Variants in ARPC1B observed in about 807,000 individuals in gnomAD.
The protein encoded by ARPC1B is actin-related protein 2/3 complex subunit 1B.
ARPC1B carries 29 observed loss-of-function variants against 46.0 expected under a neutral mutation model. The observed-to-expected ratio is 0.63, with a 90% CI of 0.47 to 0.86. The LOEUF (loss-of-function observed/expected upper bound fraction) is 0.86, where lower values mean the gene tolerates loss of function less well. ARPC1B is among the 40% of genes least tolerant of loss of function. The pLI is 0.00. For missense variants in ARPC1B, 469 were observed against 529.4 expected, an observed-to-expected ratio of 0.89 and a Z score of 1.12; for synonymous variants, 201 against 213.9, an observed-to-expected ratio of 0.94 and a Z score of 0.53.
chr7:99,380,842 G>A lies in ARPC1B; in HGVS notation c.-13-4860G>A, dbSNP rs543646522. ...GGTTCCTTCAGTCTGGGCCTCCTGG[G>A]GCTGAAAGGGAGGGAAAAATTGGCC... On this transcript the variant is annotated intron_variant, in intron 1 of 9. Coordinates refer to ENST00000646101, the MANE Select transcript of ARPC1B (RefSeq NM_005720.4). Among the ~76,000 whole-genome samples the A allele has an allele frequency of 4.6e-5, 7 of 152,302 alleles. No homozygotes were observed. The South Asian group carries it at 1.2e-3, about 27-fold the overall frequency.
chr7:99,392,621 G>C, intron 7 of ARPC1B, 50 bp from the exon 8 acceptor site: 1 of 1,420,774 alleles, frequency 7.0e-7, no homozygotes, highest in Non-Finnish European at 9.2e-7. Flanking sequence ...CTTCCCTCCG[G>C]CCTCGGTTTC....
intron 1 of ARPC1B, among the ~76,000 whole-genome samples, chr7:99,376,933 A>C (rs1297488769): frequency 6.6e-6 from 1 of 151,970 alleles, no homozygotes; most frequent in Non-Finnish European, 1.5e-5. Context: ...AGAATGGTGA[A>C]AGGTCTGGGT....
chr7:99,384,411 A>AC (rs34345754), intron 1 of ARPC1B, among the ~76,000 whole-genome samples: 12 of 149,470 alleles, frequency 8.0e-5, no homozygotes, highest in Non-Finnish European at 1.2e-4. Flanking sequence ...GCATTGTGAG[A>AC]CCCCCCTCTC....
At position 99,386,703 on chromosome 7, in the gene ARPC1B, A is replaced by G. The variant is rs1367826517; in HGVS notation, c.83A>G (p.Asn28Ser). Residue 28 changes from asparagine (N) to serine (S), a missense_variant, in exon 3 of 10, where the codon AAC becomes AGC. By Grantham distance (46) the Asn-to-Ser change is conservative. Transcript: ENST00000646101. ...CCTTCAGAGATTGCCATCTGCCCCA[A>G]CAACCATGAGGTGCATATCTATGAA... ...KDRTQIAICP[N>S]NHEVHIYEKS... 6.2e-7 allele frequency: 1 copy of G among 1,613,988 alleles called. No homozygotes were observed. The highest frequency in any genetic ancestry group is 1.3e-5 in the African/African-American group (1 of 74,922).
chr7:99,394,507 G>C lies in ARPC1B; in HGVS notation c.*18G>C. 6.2e-7 allele frequency: 1 copy of C among 1,614,062 alleles called. No homozygotes were observed. Among genetic ancestry groups the C allele is most frequent in the Non-Finnish European group, 8.5e-7 (1 of 1,180,012 alleles). ...TCAAATGACCTGTGAGGAATATGTT[G>C]CCTTCATCCTAGCTGCTGGGGAAGC... is the stretch of plus-strand genomic sequence containing the variant. On this transcript the variant is annotated 3_prime_UTR_variant, in exon 10 of 10. Transcript: ENST00000646101.
intron 1 of ARPC1B, among the ~76,000 whole-genome samples, chr7:99,382,168 T>C (rs1254770931): frequency 6.6e-6 from 1 of 152,054 alleles, no homozygotes; most frequent in African/African-American, 2.4e-5. Flanking sequence ...CCAGGCGCGG[T>C]GGCTCATGCC....
chr7:99,386,684 G>C lies in ARPC1B; in HGVS notation c.65-1G>C. 1 of 1,613,102 alleles carries C rather than the reference G, an allele frequency of 6.2e-7. No homozygotes were observed. The highest frequency in any genetic ancestry group is 8.5e-7 in the Non-Finnish European group (1 of 1,179,078). On this transcript the variant is annotated splice_acceptor_variant, in intron 2 of 9. Transcript: ENST00000646101. LOFTEE classifies it high-confidence loss of function. ...TCAATCTCCCTCCATCTCCCCTTCA[G>C]AGATTGCCATCTGCCCCAACAACCA...
intron 8 of ARPC1B, among the ~76,000 whole-genome samples, 172 bp from the exon 9 acceptor site, chr7:99,393,857 C>T (rs1794667649): frequency 6.6e-6 from 1 of 152,194 alleles, no homozygotes; most frequent in African/African-American, 2.4e-5. Context: ...TTGCCTGCAC[C>T]TCGCATGCCA....
At chr7:99,392,064 A>G (rs1218834151) in intron 7 of ARPC1B, 3 of 152,144 alleles carry the variant, frequency 2.0e-5, no homozygotes, top group Admixed American at 6.6e-5. Context: ...TCTTGCTCAC[A>G]TTTTATGTCC....
At position 99,392,891 on chromosome 7, in the gene ARPC1B, C is replaced by T. The variant is rs1794616353; in HGVS notation, c.989+15C>T. 2 of 1,524,426 alleles carry T rather than the reference C, an allele frequency of 1.3e-6. No individual in the cohort carries two copies. The highest frequency in any genetic ancestry group is 2.5e-5 in the East Asian group (1 of 40,210). The allele number at this position is 1,524,426 out of a possible 1,614,324, so 94.4% of individuals were successfully genotyped here. On this transcript the variant is annotated intron_variant, in intron 8 of 9. Transcript: ENST00000646101. Reference sequence around the variant, plus strand: ...AACAGCGTCAGGTGAGAGCGGGAGCCGGGCCGGCGGGTGGGCGGGGCCTCG... The same window carrying T: ...AACAGCGTCAGGTGAGAGCGGGAGCTGGGCCGGCGGGTGGGCGGGGCCTCG...
chr7:99,376,061 CAAAA>C (rs1055447800), intron 1 of ARPC1B, among the ~76,000 whole-genome samples: 1 of 96,220 alleles, frequency 1.0e-5, no homozygotes, highest in Non-Finnish European at 2.4e-5. Flanking sequence ...GACTCCGTCT[CAAAA>C]AAAAAAAAAA....
At chr7:99,390,067 T>C (rs758349739) in intron 5 of ARPC1B, 55 bp downstream of exon 5, 11 of 1,506,750 alleles carry the variant, frequency 7.3e-6, no homozygotes, top group South Asian at 1.1e-5. Context: ...ACTGCTGACA[T>C]CATAGCGGGG....
intron 1 of ARPC1B, among the ~76,000 whole-genome samples, chr7:99,379,904 G>A (rs1439747081): frequency 6.6e-6 from 1 of 151,464 alleles, no homozygotes; most frequent in African/African-American, 2.4e-5. Flanking sequence ...CTCGGCCTCC[G>A]AAAGTGCTGG....
intron 8 of ARPC1B, 104 bp from the exon 9 acceptor site, chr7:99,393,925 T>G: frequency 1.7e-6 from 2 of 1,184,530 alleles, no homozygotes; most frequent in Non-Finnish European, 2.5e-6. Context: ...TACTTCTCAC[T>G]AAAGCCCGCT....
intron 2 of ARPC1B, 43 bp from the exon 3 acceptor site, chr7:99,386,642 G>C: frequency 6.8e-7 from 1 of 1,460,676 alleles, no homozygotes; most frequent in Non-Finnish European, 9.6e-7. Context: ...GCAGAGGGCA[G>C]TCATGGAGAG....
chr7:99,386,455 G>T, intron 2 of ARPC1B: 2 of 623,172 alleles, frequency 3.2e-6, no homozygotes, highest in South Asian at 1.5e-5. Context: ...GAGCAATAGG[G>T]TGGGGAGAGG....
chr7:99,390,537 C>A (rs1045089892), intron 5 of ARPC1B, among the ~76,000 whole-genome samples: 7 of 150,282 alleles, frequency 4.7e-5, no homozygotes, highest in African/African-American at 7.4e-5. Flanking sequence ...CCACCATGCC[C>A]GGCTAATTTT....
intron 4 of ARPC1B, chr7:99,389,690 TAGAGGG>T: frequency 1.8e-6 from 1 of 554,196 alleles, no homozygotes; most frequent in Admixed American, 3.1e-5. Context: ...GCCTAAAGGA[TAGAGGG>T]CACAGAGTTC....
chr7:99,390,506 A>G (rs1794537331), intron 5 of ARPC1B, among the ~76,000 whole-genome samples: 1 of 151,902 alleles, frequency 6.6e-6, no homozygotes, highest in Non-Finnish European at 1.5e-5. Context: ...CCTCCTGAGT[A>G]GCTGGAACTA....
Sources: allele counts gnomAD v4.1 joint callset (sites outside exome capture counted in the v4.1 genomes callset), GRCh38; gene constraint gnomAD v4.1.1; transcripts MANE v1.5; gene names NCBI Gene and HGNC (gene_info 2026-07-23, HGNC 2026-07-21).